ADGRF3: variants seen among roughly 807,000 people sequenced by gnomAD.
ADGRF3 encodes the protein G protein-coupled receptor 113.
In ADGRF3, 85 loss-of-function variants were observed where a neutral mutation model predicts 93.2. The observed-to-expected ratio is 0.91, with a 90% confidence interval of 0.77 to 1.09. ADGRF3 has a LOEUF of 1.09. ADGRF3 is among the 50% of genes least tolerant of loss of function. The probability of loss-of-function intolerance (pLI) is 0.00; values close to 1 mark genes in which losing one functional copy is unlikely to be tolerated. For synonymous variants in ADGRF3, 534 were observed against 532.5 expected, an observed-to-expected ratio of 1.00 and a Z score of -0.04; for missense variants, 1,125 against 1,246.2, an observed-to-expected ratio of 0.90 and a Z score of 1.46.
chr2:26,338,702 T>A (rs1156889197), intron 1 of ADGRF3, among the ~76,000 whole-genome samples: 1 of 152,164 alleles, frequency 6.6e-6, no homozygotes, highest in African/African-American at 2.4e-5. Flanking sequence ...TCTCAGGTGA[T>A]CTGCCTGCCT....
At chr2:26,325,685 A>G (rs1334661336) in intron 1 of ADGRF3, among the ~76,000 whole-genome samples, 5 of 152,246 alleles carry the variant, frequency 3.3e-5, no homozygotes, top group African/African-American at 9.6e-5. Context: ...CCAGGACATT[A>G]GAGTGGAGAA....
chr2:26,345,290 TTTTGTTTG>T (rs66810682), intron 1 of ADGRF3, among the ~76,000 whole-genome samples: 4 of 151,494 alleles, frequency 2.6e-5, no homozygotes, highest in Admixed American at 6.6e-5. Flanking sequence ...ATCTAGTGTT[TTTTGTTTG>T]TTTGTTTGTT....
intron 1 of ADGRF3, among the ~76,000 whole-genome samples, chr2:26,331,749 AAAAAC>A (rs1675782435): frequency 6.6e-6 from 1 of 152,158 alleles, no homozygotes; most frequent in Admixed American, 6.5e-5. Context: ...AACAAAAGGC[AAAAAC>A]AAAACAAAAG....
At chr2:26,309,328 G>A in intron 13 of ADGRF3, 198 bp downstream of exon 13, 1 of 1,489,348 alleles carries the variant, frequency 6.7e-7, no homozygotes, top group South Asian at 1.4e-5. Context: ...AAGGTGCTAT[G>A]CTTTCTGCTC....
chr2:26,345,947 G>A, intron 1 of ADGRF3, 174 bp downstream of exon 1: 3 of 634,686 alleles, frequency 4.7e-6, no homozygotes, highest in South Asian at 2.0e-5. Context: ...ACTTAGTGTT[G>A]CCTGATCCAC....
intron 1 of ADGRF3, among the ~76,000 whole-genome samples, chr2:26,323,880 C>T (rs1412855540): frequency 2.0e-5 from 3 of 152,040 alleles, no homozygotes; most frequent in Admixed American, 6.5e-5. Flanking sequence ...CCACCTGCCT[C>T]GGCCTCCCAA....
rs533394049 is a variant in ADGRF3, at chr2:26,309,009, C to A, written c.*77G>T. The A allele has an allele frequency of 1.9e-6, 3 of 1,603,582 alleles. No homozygotes were observed. The highest frequency in any genetic ancestry group is 1.3e-5 in the African/African-American group (1 of 74,726). ...TCCGGGAGGCGGGAAGAGTTCAGAGCATTGGGCCAGGGCTCATCTGGTGGG... is the reference window on the plus strand; with the variant it reads ...TCCGGGAGGCGGGAAGAGTTCAGAGAATTGGGCCAGGGCTCATCTGGTGGG... On this transcript the variant is annotated 3_prime_UTR_variant, in exon 14 of 14. Coordinates refer to ENST00000651242, the MANE Select transcript of ADGRF3 (RefSeq NM_001321971.2).
chr2:26,332,805 C>CAAA (rs1675840645), intron 1 of ADGRF3, among the ~76,000 whole-genome samples: 1 of 151,920 alleles, frequency 6.6e-6, no homozygotes, highest in Admixed American at 6.6e-5. Flanking sequence ...TTTGCAGAGA[C>CAAA]AGGGTCTCAC....
intron 5 of ADGRF3, among the ~76,000 whole-genome samples, chr2:26,315,030 C>A (rs1414617964): frequency 1.3e-5 from 2 of 152,214 alleles, no homozygotes; most frequent in African/African-American, 4.8e-5. Context: ...AAAATAACTA[C>A]ATTTTCCAAA....
chr2:26,319,538 C>T (rs374701126), intron 1 of ADGRF3, among the ~76,000 whole-genome samples: 24 of 110,552 alleles, frequency 2.2e-4, no homozygotes, highest in South Asian at 6.7e-4. Context: ...CCTTCCTTCC[C>T]TTCTTTCTCT....
intron 8 of ADGRF3, 70 bp from the exon 9 acceptor site, chr2:26,313,192 C>A: frequency 6.4e-7 from 1 of 1,569,878 alleles, no homozygotes; most frequent in South Asian, 1.1e-5. Context: ...CATCCCAGAC[C>A]CATGGAGATT....
chr2:26,341,995 C>T (rs1256088837), intron 1 of ADGRF3, among the ~76,000 whole-genome samples: 1 of 151,798 alleles, frequency 6.6e-6, no homozygotes, highest in African/African-American at 2.4e-5. Context: ...ATGGCGTGAA[C>T]CCGGGAGGCG....
Position 26,312,020 on chromosome 2 carries a change from T to A in ADGRF3, c.1504A>T (p.Thr502Ser). ...CAGGGCTTCCGGGCTTGGGCCAGGG[T>A]CCACAGAGACCTGGTGTCCATATCT... ...VLDMDTRSLW[T>S]LAQARKPWAG... Residue 502 changes from threonine (T) to serine (S), a missense_variant, in exon 10 of 14, where the codon ACC becomes TCC. Physicochemically the swap from Thr to Ser is moderately conservative, Grantham distance 58. Transcript: ENST00000651242. The A allele has an allele frequency of 6.2e-7, 1 of 1,612,796 alleles. No individual in the cohort carries two copies. Among genetic ancestry groups the A allele is most frequent in the African/African-American group, 1.3e-5 (1 of 74,966 alleles).
At position 26,315,561 on chromosome 2, in the gene ADGRF3, C is replaced by T; in HGVS notation, c.679G>A (p.Ala227Thr). ...QVSVTSSHGQ[A>T]ALSVSNMSHH... Reference sequence around the variant, plus strand: ...GACATGTTGGAGACGCTGAGGGCAGCCTGGCCGTGGCTGGAAGTCACAGAC... The same window carrying T: ...GACATGTTGGAGACGCTGAGGGCAGTCTGGCCGTGGCTGGAAGTCACAGAC... Residue 227 changes from alanine to threonine, a missense_variant, in exon 5 of 14, where the codon GCT (alanine) becomes ACT (threonine). Coordinates refer to ENST00000651242, the MANE Select transcript of ADGRF3 (RefSeq NM_001321971.2). 1 of 1,551,506 alleles carries T rather than the reference C, an allele frequency of 6.4e-7. No homozygotes were observed. Among genetic ancestry groups the T allele is most frequent in the Middle Eastern group, 1.7e-4 (1 of 5,846 alleles).
chr2:26,309,623 G>T (rs2007556), intron 12 of ADGRF3, 42 bp from the exon 13 acceptor site: 1,153,969 of 1,599,526 alleles, frequency 0.72, 417,658 homozygotes, highest in East Asian at 0.81. Flanking sequence ...GCAGTTATTA[G>T]TATTGTCAAC....
intron 1 of ADGRF3, among the ~76,000 whole-genome samples, chr2:26,327,798 GGA>G (rs1371121066): frequency 7.9e-5 from 12 of 150,978 alleles, no homozygotes; most frequent in African/African-American, 2.9e-4. Flanking sequence ...TACTCCCAGA[GGA>G]CTCCAGGACT....
At chr2:26,317,450 G>C in intron 2 of ADGRF3, 46 bp downstream of exon 2, 1 of 1,533,948 alleles carries the variant, frequency 6.5e-7, no homozygotes, top group Non-Finnish European at 8.8e-7. Context: ...CTCATTCCCA[G>C]CTCCCATCTC....
At chr2:26,325,315 G>A (rs574945928) in intron 1 of ADGRF3, among the ~76,000 whole-genome samples, 15 of 152,298 alleles carry the variant, frequency 9.8e-5, no homozygotes, top group Middle Eastern at 3.4e-3. Flanking sequence ...TTGACAAGAA[G>A]AGGTATTTTA....
Position 26,315,546 on chromosome 2 carries a change from A to G in ADGRF3, c.694T>C (p.Ser232Pro), listed in dbSNP as rs1315155292. The part of the protein sequence containing the change: ...SSHGQAALSV[S>P]NMSHHWAGEY... The stretch of plus-strand genomic sequence containing the variant: ...CCTGCCCAGTGATGGGACATGTTGG[A>G]GACGCTGAGGGCAGCCTGGCCGTGG... The change falls in exon 5 of 14, where the codon TCC becomes CCC. Residue 232 changes from serine (S) to proline (P), a missense_variant. Transcript: ENST00000651242. 6.4e-6 allele frequency: 10 copies of G among 1,551,210 alleles called. No individual in the cohort carries two copies. In the Middle Eastern group the frequency reaches 8.6e-4, roughly 133 times the overall value.
Sources: allele counts gnomAD v4.1 joint callset (sites outside exome capture counted in the v4.1 genomes callset), GRCh38; gene constraint gnomAD v4.1.1; transcripts MANE v1.5; gene names NCBI Gene and HGNC (gene_info 2026-07-23, HGNC 2026-07-21).